The following PDIA3 variants were observed in gnomAD, a reference collection of about 807,000 sequenced individuals.
PDIA3 encodes protein disulfide-isomerase A3.
PDIA3 carries 16 observed loss-of-function variants against 56.9 expected under a neutral mutation model. The ratio of observed to expected loss-of-function variants is 0.28; its 90% CI spans 0.19 to 0.43. PDIA3 has a LOEUF of 0.43. PDIA3 is among the 20% of genes least tolerant of loss of function. The pLI, the probability that PDIA3 is intolerant of heterozygous loss-of-function variation, is 1.00. For synonymous variants in PDIA3, 192 were observed against 216.5 expected (o/e 0.89, Z 0.99); for missense variants, 485 against 621.3 (o/e 0.78, Z 2.33).
intron 2 of PDIA3, among the ~76,000 whole-genome samples, chr15:43,754,978 A>G (rs1323626450): frequency 1.3e-5 from 2 of 152,030 alleles, no homozygotes; most frequent in East Asian, 1.9e-4. Flanking sequence ...GTAGTAAAGT[A>G]TATGGTAAAT....
In PDIA3 at chr15:43,765,900, C is replaced by T. The variant is rs775546041; in HGVS notation, c.733C>T (p.Pro245Ser). 5 of 1,610,516 alleles carry T rather than the reference C, an allele frequency of 3.1e-6. No homozygotes were observed. Among genetic ancestry groups the T allele is most frequent in the Non-Finnish European group, 4.2e-6 (5 of 1,178,816 alleles). The change falls in exon 7 of 13, where the codon CCT becomes TCT. Residue 245 changes from proline (P) to serine (S), a missense_variant. Physicochemically the swap from Pro to Ser is moderately conservative, Grantham distance 74 (BLOSUM62 -1). Transcript: ENST00000300289. ...ATTTCATTTCAGTTTTGGTATCTGC[C>T]CTCACATGACAGAAGACAATAAAGA... ...FIQENIFGICPHMTEDNKDLI... is the reference protein window; with the variant it reads ...FIQENIFGICSHMTEDNKDLI...
intron 3 of PDIA3, among the ~76,000 whole-genome samples, chr15:43,760,294 G>A (rs1216096069): frequency 6.6e-6 from 1 of 151,638 alleles, no homozygotes; most frequent in East Asian, 2.0e-4. Flanking sequence ...AGGAGACTGA[G>A]GCGAGAGGTC....
chr15:43,756,596 A>G (rs1396125593), intron 2 of PDIA3, 53 bp from the exon 3 acceptor site: 1 of 1,007,536 alleles, frequency 9.9e-7, no homozygotes, highest in Non-Finnish European at 1.6e-6. Flanking sequence ...ATATAGGAAG[A>G]ACCTGCAGCA....
At chr15:43,751,635 C>G (rs974137114) in intron 1 of PDIA3, 1 of 1,304,214 alleles carries the variant, frequency 7.7e-7, no homozygotes, top group Non-Finnish European at 1.0e-6. Context: ...CTCATTGAAA[C>G]TCTTTTTGTG....
At position 43,763,201 on chromosome 15, in the gene PDIA3, T is replaced by C. The variant is rs1415588987; in HGVS notation, c.597T>C (p.Asn199=). The C allele has an allele frequency of 6.2e-7, 1 of 1,613,800 alleles. No individual in the cohort carries two copies. The highest frequency in any genetic ancestry group is 1.1e-5 in the South Asian group (1 of 91,054). The change falls in exon 5 of 13, where the codon AAT becomes AAC. Residue 199 remains asparagine, a synonymous_variant. Transcript: ENST00000300289. ...VESLVNEYDD[N]GEGIILFRPS... Reference sequence around the variant, plus strand: ...CTCTGGTGAACGAGTATGATGATAATGGAGAGTAAGTGACTGAGTTGAATC... The same window carrying C: ...CTCTGGTGAACGAGTATGATGATAACGGAGAGTAAGTGACTGAGTTGAATC...
At chr15:43,750,525 C>T (rs995816162) in intron 1 of PDIA3, among the ~76,000 whole-genome samples, 5 of 151,822 alleles carry the variant, frequency 3.3e-5, no homozygotes, top group African/African-American at 1.2e-4. Context: ...CCTGTAATCC[C>T]AGCACTTTGG....
At chr15:43,758,136 G>C (rs1044063326) in intron 3 of PDIA3, among the ~76,000 whole-genome samples, 4 of 151,968 alleles carry the variant, frequency 2.6e-5, no homozygotes, top group Admixed American at 6.6e-5. Context: ...TACTCGGGAG[G>C]CTGAGGCAGG....
At chr15:43,749,155 A>G (rs2086727407) in intron 1 of PDIA3, among the ~76,000 whole-genome samples, 1 of 151,006 alleles carries the variant, frequency 6.6e-6, no homozygotes, top group Non-Finnish European at 1.5e-5. Context: ...GTGCAGTGGC[A>G]TGGTCTGGGC....
In PDIA3 at chr15:43,771,529, G is replaced by C; in HGVS notation, c.*311G>C. 1 of 484,850 alleles carries C rather than the reference G, an allele frequency of 2.1e-6. No individual in the cohort carries two copies. The highest frequency in any genetic ancestry group is 3.6e-6 in the Non-Finnish European group (1 of 277,550). 30.0% of individuals were successfully genotyped at this position (484,850 alleles called of 1,614,324 possible). Reference sequence around the variant, plus strand: ...CATTTGGAACAGTGACAATAAATGAGACCCCTTTAAACTGTCTTATTTTCC... The same window carrying C: ...CATTTGGAACAGTGACAATAAATGACACCCCTTTAAACTGTCTTATTTTCC... On this transcript the variant is annotated 3_prime_UTR_variant, in exon 13 of 13. Coordinates refer to ENST00000300289, the MANE Select transcript of PDIA3 (RefSeq NM_005313.5).
Position 43,772,720 on chromosome 15 carries a change from C to G in PDIA3, c.*1502C>G, listed in dbSNP as rs1040912081. 1 of 157,748 alleles carries G rather than the reference C, an allele frequency of 6.3e-6. No homozygotes were observed. The highest frequency in any genetic ancestry group is 2.4e-5 in the African/African-American group (1 of 41,672). 9.8% of individuals were successfully genotyped at this position (157,748 alleles called of 1,614,324 possible). On this transcript the variant is annotated 3_prime_UTR_variant, in exon 13 of 13. Transcript: ENST00000300289. ...CCAGGTATGCTACAAGTTCTTTTAA[C>G]TCTTATCAGAAGTTATTATTACTGT...
chr15:43,750,599 C>A (rs1402577114), intron 1 of PDIA3, among the ~76,000 whole-genome samples: 1 of 149,544 alleles, frequency 6.7e-6, no homozygotes, highest in Non-Finnish European at 1.5e-5. Context: ...CATGGTGAAA[C>A]CCCGTCTCTA....
chr15:43,764,468 TA>T (rs2086836068), intron 5 of PDIA3, among the ~76,000 whole-genome samples: 1 of 152,134 alleles, frequency 6.6e-6, no homozygotes, highest in South Asian at 2.1e-4. Context: ...AGTTTGAGTT[TA>T]TTTTTTTATT....
At chr15:43,749,977 T>G (rs1377304223) in intron 1 of PDIA3, among the ~76,000 whole-genome samples, 1 of 151,526 alleles carries the variant, frequency 6.6e-6, no homozygotes, top group Non-Finnish European at 1.5e-5. Flanking sequence ...TTTTTTTTTT[T>G]AACCTTATTC....
At chr15:43,768,897 G>A (rs776687458) in intron 9 of PDIA3, among the ~76,000 whole-genome samples, 14 of 151,936 alleles carry the variant, frequency 9.2e-5, no homozygotes, top group Non-Finnish European at 1.8e-4. Flanking sequence ...GGTGGCGGGC[G>A]CCTGTAAGCC....
At chr15:43,764,269 G>A (rs1349495440) in intron 5 of PDIA3, among the ~76,000 whole-genome samples, 1 of 152,104 alleles carries the variant, frequency 6.6e-6, no homozygotes, top group Admixed American at 6.6e-5. Flanking sequence ...GATTTGAAGG[G>A]GGAGTGGTGC....
intron 3 of PDIA3, among the ~76,000 whole-genome samples, chr15:43,759,544 T>C (rs910590648): frequency 1.3e-5 from 2 of 152,134 alleles, no homozygotes; most frequent in African/African-American, 4.8e-5. Flanking sequence ...ATGAATAATA[T>C]TGAGGACTTA....
Position 43,761,409 on chromosome 15 carries a change from A to C in PDIA3, c.365-15A>C. 1 of 1,418,646 alleles carries C rather than the reference A, an allele frequency of 7.0e-7. No individual in the cohort carries two copies. The highest frequency in any genetic ancestry group is 1.2e-5 in the South Asian group (1 of 83,876). 87.9% of individuals were successfully genotyped at this position (1,418,646 alleles called of 1,614,324 possible). A position where few individuals can be genotyped will look rare whatever the true frequency, so the allele number is the denominator to read the frequency against. On this transcript the variant is annotated splice_polypyrimidine_tract_variant and intron_variant, in intron 3 of 12. Transcript: ENST00000300289. ...AATAAGTTGTGTTGTCATAACTTTTATTTTGACTTCTAAGATGGAATTGTC... is the reference window on the plus strand; with the variant it reads ...AATAAGTTGTGTTGTCATAACTTTTCTTTTGACTTCTAAGATGGAATTGTC...
intron 1 of PDIA3, chr15:43,746,954 G>T (rs991334790): frequency 3.6e-5 from 20 of 562,884 alleles, no homozygotes; most frequent in African/African-American, 3.4e-4. Context: ...CGGTGCTCTT[G>T]TGGCACTTCC....
chr15:43,766,826 G>C lies in PDIA3; in HGVS notation c.944G>C (p.Gly315Ala). Reference protein sequence around the residue: ...KTFSHELSDFGLESTAGEIPV... With the variant: ...KTFSHELSDFALESTAGEIPV... ...TTTAGCCATGAACTTTCTGATTTTGGCTTGGAGAGCACTGCTGGAGAGATT... is the reference window on the plus strand; with the variant it reads ...TTTAGCCATGAACTTTCTGATTTTGCCTTGGAGAGCACTGCTGGAGAGATT... The change falls in exon 8 of 13, where the codon GGC (glycine) becomes GCC (alanine). Residue 315 changes from glycine (G) to alanine (A), a missense_variant. Physicochemically the swap from Gly to Ala is moderately conservative, Grantham distance 60 (BLOSUM62 0). Coordinates refer to ENST00000300289, the MANE Select transcript of PDIA3 (RefSeq NM_005313.5). 1 of 1,613,628 alleles carries C rather than the reference G, an allele frequency of 6.2e-7. No individual in the cohort carries two copies. The highest frequency in any genetic ancestry group is 8.5e-7 in the Non-Finnish European group (1 of 1,179,540).
Sources: allele counts gnomAD v4.1 joint callset (sites outside exome capture counted in the v4.1 genomes callset), GRCh38; gene constraint gnomAD v4.1.1; transcripts MANE v1.5; gene names NCBI Gene and HGNC (gene_info 2026-07-23, HGNC 2026-07-21).